Variants in NTMT1 observed in about 807,000 individuals in gnomAD.
NTMT1 encodes N-terminal RCC1 methyltransferase.
NTMT1 carries 8 observed loss-of-function variants against 17.5 expected under a neutral mutation model. That is an observed-to-expected ratio of 0.46 (90% CI 0.27 to 0.82). The LOEUF is 0.82. NTMT1 is among the 40% of genes least tolerant of loss of function. The pLI is 0.15. For missense variants in NTMT1, 221 were observed against 303.5 expected (o/e 0.73, Z 2.02); for synonymous variants, 128 against 126.8 (o/e 1.01, Z -0.06).
chr9:129,616,439 C>T (rs1054891630), intron 1 of NTMT1, among the ~76,000 whole-genome samples: 2 of 152,124 alleles, frequency 1.3e-5, no homozygotes, highest in South Asian at 2.1e-4. Flanking sequence ...TGGTCCCGAA[C>T]GCCTGACCTC....
At chr9:129,608,939 A>C (rs1830057343) in exon 1 of NTMT1, 1 of 152,406 alleles carries the variant, frequency 6.6e-6, no homozygotes, top group Non-Finnish European at 1.5e-5. Context: ...GACTGCGCTC[A>C]GCGGGAGACG....
chr9:129,613,515 C>T lies in NTMT1; in HGVS notation c.-55+4337C>T. On this transcript the variant is annotated intron_variant, in intron 1 of 3. Coordinates refer to the NTMT1 transcript ENST00000372486. The surrounding 1 kb of genome is among the most constrained non-coding windows in gnomAD (Gnocchi z 6.2). Reference sequence around the variant, plus strand: ...GGTACAGGGCTTTGGGCAAACTCTCCAGCCGTTTTCCGACACTCCCAAACA... The same window carrying T: ...GGTACAGGGCTTTGGGCAAACTCTCTAGCCGTTTTCCGACACTCCCAAACA... 1 of 1,614,210 alleles carries T rather than the reference C, an allele frequency of 6.2e-7. No homozygotes were observed. Among genetic ancestry groups the T allele is most frequent in the South Asian group, 1.1e-5 (1 of 91,086 alleles).
chr9:129,614,574 A>T lies in NTMT1; in HGVS notation c.-55+5396A>T, dbSNP rs193153516. 4.5e-4 allele frequency among the ~76,000 whole-genome samples: 69 copies of T among 152,292 alleles called. No individual in the cohort carries two copies. The Middle Eastern group carries it at 0.01, about 23-fold the overall frequency. On this transcript the variant is annotated intron_variant, in intron 1 of 3. Transcript: ENST00000372486. The surrounding 1 kb of genome is among the most constrained non-coding windows in gnomAD (Gnocchi z 4.4). ...AGGTTATACCAGAGTAAGAACAGGG[A>T]CTTCTCGCCTGCTTCTCGAGACACA...
At chr9:129,632,960 C>A in intron 2 of NTMT1, 95 bp downstream of exon 2, 1 of 1,414,776 alleles carries the variant, frequency 7.1e-7, no homozygotes, top group Non-Finnish European at 9.8e-7. Flanking sequence ...TGTAACACTG[C>A]AGGATTGTTG....
Position 129,620,223 on chromosome 9 carries a change from G to A in NTMT1, c.-55+11045G>A. 1 of 1,353,608 alleles carries A rather than the reference G, an allele frequency of 7.4e-7. No individual in the cohort carries two copies. The highest frequency in any genetic ancestry group is 1.9e-5 in the South Asian group (1 of 52,358). 83.8% of individuals were successfully genotyped at this position (1,353,608 alleles called of 1,614,324 possible). ...CGCTCGCGCTCTCCAGGCCCTGGCT[G>A]CCTGGGCGCCGATTCCCGGGACGCG... On this transcript the variant is annotated intron_variant, in intron 1 of 3. Transcript: ENST00000372486. This position sits in a 1 kb window ranked among gnomAD's most constrained non-coding sequence, Gnocchi z 5.8.
At position 129,615,490 on chromosome 9, in the gene NTMT1, G is replaced by C. The variant is rs117566704; in HGVS notation, c.-55+6312G>C. 949 of 1,595,134 alleles carry C rather than the reference G, an allele frequency of 5.9e-4. 7 individuals carry two copies. The East Asian group carries it at 0.015, about 24-fold the overall frequency. ...CCCCATCCTGTCTGCTTACCTGAGC[G>C]TCTGCGCTCCCAGTAGCGGAGCGTT... On this transcript the variant is annotated intron_variant, in intron 1 of 3. Coordinates refer to the NTMT1 transcript ENST00000372486.
chr9:129,612,306 G>T (rs1249555486), intron 1 of NTMT1: 8 of 1,543,716 alleles, frequency 5.2e-6, no homozygotes, highest in Non-Finnish European at 7.1e-6. Flanking sequence ...GCTCCTCATT[G>T]CCTGGCCCAT....
intron 1 of NTMT1, chr9:129,619,733 C>T (rs1830578523): frequency 2.5e-6 from 4 of 1,613,960 alleles, no homozygotes; most frequent in East Asian, 4.5e-5. Flanking sequence ...AGCGGACTGA[C>T]GCTTACCACA....
At chr9:129,618,778 C>T (rs1361367535) in intron 1 of NTMT1, among the ~76,000 whole-genome samples, 1 of 151,968 alleles carries the variant, frequency 6.6e-6, no homozygotes, top group Non-Finnish European at 1.5e-5. Context: ...CTGCAAGCTC[C>T]GCCTCCCGGG....
intron 1 of NTMT1, chr9:129,612,232 G>T (rs886953969): frequency 1.2e-5 from 10 of 810,440 alleles, no homozygotes; most frequent in Non-Finnish European, 2.0e-5. Flanking sequence ...GGCTTGTGGT[G>T]TGACACCTAC....
In NTMT1 at chr9:129,620,085, C is replaced by G. The variant is rs1240801459; in HGVS notation, c.-55+10907C>G. ...GCCTCACTCAGTGGCTCCGGCTCCTCGGCGCACTTCTCCTGGAGCTGGTGC... is the reference window on the plus strand; with the variant it reads ...GCCTCACTCAGTGGCTCCGGCTCCTGGGCGCACTTCTCCTGGAGCTGGTGC... On this transcript the variant is annotated intron_variant, in intron 1 of 3. Transcript: ENST00000372486. The surrounding 1 kb of genome is among the most constrained non-coding windows in gnomAD (Gnocchi z 5.8). 1 of 1,451,710 alleles carries G rather than the reference C, an allele frequency of 6.9e-7. No homozygotes were observed. Among genetic ancestry groups the G allele is most frequent in the East Asian group, 2.5e-5 (1 of 39,956 alleles). 89.9% of individuals were successfully genotyped at this position (1,451,710 alleles called of 1,614,324 possible).
chr9:129,623,569 A>G (rs1588130483), upstream of NTMT1, among the ~76,000 whole-genome samples: 1 of 152,282 alleles, frequency 6.6e-6, no homozygotes. Context: ...CTGGCGTGGC[A>G]TAGTTTCATA....
chr9:129,615,299 T>G (rs1254701511), intron 1 of NTMT1, among the ~76,000 whole-genome samples: 3 of 152,186 alleles, frequency 2.0e-5, no homozygotes, highest in East Asian at 3.8e-4. Context: ...GACCCTCTAC[T>G]TGGTCTTCGA....
Position 129,635,279 on chromosome 9 carries a change from A to G in NTMT1, c.487A>G (p.Ile163Val), listed in dbSNP as rs368318163. 11 of 1,613,616 alleles carry G rather than the reference A, an allele frequency of 6.8e-6. No homozygotes were observed. The highest frequency in any genetic ancestry group is 2.2e-5 in the South Asian group (2 of 91,092). Reference protein sequence around the residue: ...CKGSLRPNGIIVIKDNMAQEG... With the variant: ...CKGSLRPNGIVVIKDNMAQEG... ...GGGCAGCCTCCGCCCCAACGGCATC[A>G]TCGTCATCAAAGACAACATGGCCCA... The change falls in exon 4 of 4, where the codon ATC becomes GTC. Residue 163 changes from isoleucine (I) to valine (V), a missense_variant. Transcript: ENST00000372483.
At chr9:129,612,263 G>A in intron 1 of NTMT1, 3 of 1,185,824 alleles carry the variant, frequency 2.5e-6, no homozygotes, top group Non-Finnish European at 3.6e-6. Context: ...CAGCCACCTG[G>A]GATGTGCCTT....
chr9:129,627,971 A>G (rs373666933), intron 1 of NTMT1, among the ~76,000 whole-genome samples: 3 of 152,132 alleles, frequency 2.0e-5, no homozygotes, highest in East Asian at 3.9e-4. Flanking sequence ...CTTGGCGGGG[A>G]GGAGGAGGCA....
intron 1 of NTMT1, among the ~76,000 whole-genome samples, chr9:129,618,173 G>A (rs1830486008): frequency 6.6e-6 from 1 of 152,176 alleles, no homozygotes; most frequent in African/African-American, 2.4e-5. Flanking sequence ...CATGGGCAGT[G>A]CCATTCACCC....
chr9:129,613,522 T>C lies in NTMT1; in HGVS notation c.-55+4344T>C. ...GGCTTTGGGCAAACTCTCCAGCCGT[T>C]TTCCGACACTCCCAAACACCCGCTC... On this transcript the variant is annotated intron_variant, in intron 1 of 3. Coordinates refer to the NTMT1 transcript ENST00000372486. This position sits in a 1 kb window ranked among gnomAD's most constrained non-coding sequence, Gnocchi z 6.2. 1.2e-6 allele frequency: 2 copies of C among 1,614,136 alleles called. No individual in the cohort carries two copies. The highest frequency in any genetic ancestry group is 8.5e-7 in the Non-Finnish European group (1 of 1,180,000).
At chr9:129,634,616 G>A (rs148173271) in intron 3 of NTMT1, 29 of 314,068 alleles carry the variant, frequency 9.2e-5, no homozygotes, top group African/African-American at 6.0e-4. Context: ...AGTTTTATAA[G>A]GGTTTTATTT....
Sources: allele counts gnomAD v4.1 joint callset (sites outside exome capture counted in the v4.1 genomes callset), GRCh38; gene constraint gnomAD v4.1.1; non-coding constraint Gnocchi (gnomAD v3.1); transcripts MANE v1.5; gene names NCBI Gene and HGNC (gene_info 2026-07-23, HGNC 2026-07-21).